Variants in BCAS3 observed in about 807,000 individuals in gnomAD.
BCAS3 encodes the protein BCAS3 microtubule associated cell migration factor.
A neutral mutation model predicts 116.1 loss-of-function variants in BCAS3; 53 were observed. That is an observed-to-expected ratio of 0.46 (90% CI 0.37 to 0.57). The LOEUF (loss-of-function observed/expected upper bound fraction) is 0.57. BCAS3 is among the 20% of genes least tolerant of loss of function. The pLI is 0.00. For missense variants in BCAS3, 917 were observed against 1,165.4 expected, an observed-to-expected ratio of 0.79 and a Z score of 3.10; for synonymous variants, 391 against 408.2, an observed-to-expected ratio of 0.96 and a Z score of 0.51.
At chr17:60,833,852 A>G (rs1599029497) in intron 7 of BCAS3, among the ~76,000 whole-genome samples, 2 of 152,154 alleles carry the variant, frequency 1.3e-5, no homozygotes. Flanking sequence ...AACTGCCTTT[A>G]CAAGAAAAGC....
intron 12 of BCAS3, among the ~76,000 whole-genome samples, chr17:60,916,856 A>G (rs941116767): frequency 4.6e-5 from 7 of 152,198 alleles, no homozygotes; most frequent in African/African-American, 1.7e-4. Context: ...ACTCAAAAAT[A>G]AAAAGACTAC....
chr17:61,380,465 T>C lies in BCAS3; in HGVS notation c.2594-11512T>C. On this transcript the variant is annotated intron_variant, in intron 23 of 23. Transcript: ENST00000407086. This position sits in a 1 kb window ranked among gnomAD's most constrained non-coding sequence, Gnocchi z 4.2. Reference sequence around the variant, plus strand: ...TCTTCCTGCTCTCTTAAAGGTCCAGTTTGTGATCCGCTTTAAAGGAATATT... The same window carrying C: ...TCTTCCTGCTCTCTTAAAGGTCCAGCTTGTGATCCGCTTTAAAGGAATATT... The C allele has an allele frequency of 1.3e-6, 2 of 1,564,282 alleles. No individual in the cohort carries two copies. The highest frequency in any genetic ancestry group is 1.7e-6 in the Non-Finnish European group (2 of 1,151,236).
At chr17:61,237,406 G>T (rs2083146308) in intron 22 of BCAS3, among the ~76,000 whole-genome samples, 1 of 152,218 alleles carries the variant, frequency 6.6e-6, no homozygotes. Context: ...GACAGAAACG[G>T]AACATGGGTG....
intron 22 of BCAS3, among the ~76,000 whole-genome samples, chr17:61,341,715 G>A (rs2057168218): frequency 6.6e-6 from 1 of 152,194 alleles, no homozygotes; most frequent in Non-Finnish European, 1.5e-5. Context: ...CGCAATGGTT[G>A]TTATCACGCT....
At position 61,128,566 on chromosome 17, in the gene BCAS3, T is replaced by A; in HGVS notation, c.2425+44002T>A. On this transcript the variant is annotated intron_variant, in intron 22 of 23. Transcript: ENST00000407086. This position sits in a 1 kb window ranked among gnomAD's most constrained non-coding sequence, Gnocchi z 4.1. The stretch of plus-strand genomic sequence containing the variant: ...TGAATCGTTTGACTGCTATACACAA[T>A]CCCCAGCACTTATAAAATAAAAAAA... 1.0e-6 allele frequency: 1 copy of A among 985,244 alleles called. No individual in the cohort carries two copies. Among genetic ancestry groups the A allele is most frequent in the Non-Finnish European group, 1.2e-6 (1 of 829,890 alleles). 61.0% of individuals were successfully genotyped at this position (985,244 alleles called of 1,614,324 possible).
rs145686185 is a variant in BCAS3, at chr17:60,705,261, G to A, written c.215-3958G>A. 8.7e-3 allele frequency among the ~76,000 whole-genome samples: 1,332 copies of A among 152,316 alleles called. 13 individuals are homozygous for A. Among genetic ancestry groups the A allele is most frequent in the African/African-American group, 0.028 (1,164 of 41,578 alleles). ...GGGCCGGGCATGGTGGCTCATCCCT[G>A]TAATCCCAGCACTTTGGGAGACCCA... On this transcript the variant is annotated intron_variant, in intron 4 of 23. Transcript: ENST00000407086.
At chr17:61,176,443 AC>A (rs1167491269) in intron 22 of BCAS3, among the ~76,000 whole-genome samples, 1 of 151,054 alleles carries the variant, frequency 6.6e-6, no homozygotes, top group Non-Finnish European at 1.5e-5. Flanking sequence ...GAAAAAATGA[AC>A]CCAACCCTCA....
intron 23 of BCAS3, among the ~76,000 whole-genome samples, chr17:61,386,359 C>T (rs1012860840): frequency 6.6e-6 from 1 of 152,218 alleles, no homozygotes; most frequent in East Asian, 1.9e-4. Context: ...TCCTCCTGCT[C>T]ACTGCTGGAA....
At position 61,276,095 on chromosome 17, in the gene BCAS3, A is replaced by C. The variant is rs1238319987; in HGVS notation, c.2426-92232A>C. ...GCCGGGTGCGGTGGCTCACGCGTGT[A>C]ATCTCAGCACTTTGGGAGGCTGAGG... On this transcript the variant is annotated intron_variant, in intron 22 of 23. Coordinates refer to ENST00000407086, the MANE Select transcript of BCAS3 (RefSeq NM_017679.5). The surrounding 1 kb of genome is among the most constrained non-coding windows in gnomAD (Gnocchi z 4.2). Among the ~76,000 whole-genome samples, 1 of 152,202 alleles carries C rather than the reference A, an allele frequency of 6.6e-6. No homozygotes were observed. Among genetic ancestry groups the C allele is most frequent in the African/African-American group, 2.4e-5 (1 of 41,440 alleles).
chr17:61,194,938 T>C (rs1029136465), intron 22 of BCAS3, among the ~76,000 whole-genome samples: 3 of 152,184 alleles, frequency 2.0e-5, no homozygotes, highest in African/African-American at 7.2e-5. Context: ...CAGTTACATA[T>C]GGCAGTCTCC....
At position 61,106,131 on chromosome 17, in the gene BCAS3, T is replaced by C. The variant is rs78507518; in HGVS notation, c.2425+21567T>C. ...AAGGGTTGATGCTGGCATATTGTTA[T>C]AATTGTTCTATTTTATTACCAGTTA... On this transcript the variant is annotated intron_variant, in intron 22 of 23. Coordinates refer to ENST00000407086, the MANE Select transcript of BCAS3 (RefSeq NM_017679.5). This position sits in a 1 kb window ranked among gnomAD's most constrained non-coding sequence, Gnocchi z 4.2. Among the ~76,000 whole-genome samples the C allele has an allele frequency of 0.019, 2,905 of 152,316 alleles. 95 individuals carry two copies. The highest frequency in any genetic ancestry group is 0.065 in the African/African-American group (2,699 of 41,552).
chr17:61,256,015 G>C lies in BCAS3; in HGVS notation c.2426-112312G>C, dbSNP rs1300319540. ...GACAAGTTATTTTCTGAAACTCCGA[G>C]TCATAATTGTACCATATTTATTTTC... is the stretch of plus-strand genomic sequence containing the variant. On this transcript the variant is annotated intron_variant, in intron 22 of 23. Coordinates refer to ENST00000407086, the MANE Select transcript of BCAS3 (RefSeq NM_017679.5). The surrounding 1 kb of genome is among the most constrained non-coding windows in gnomAD (Gnocchi z 5.6). Among the ~76,000 whole-genome samples the C allele has an allele frequency of 6.6e-6, 1 of 152,146 alleles. No homozygotes were observed. The highest frequency in any genetic ancestry group is 2.4e-5 in the African/African-American group (1 of 41,442).
At chr17:61,295,954 CAAAAAA>C (rs11332478) in intron 22 of BCAS3, among the ~76,000 whole-genome samples, 1 of 79,936 alleles carries the variant, frequency 1.3e-5, no homozygotes. Context: ...GACTCCGTCT[CAAAAAA>C]AAAAAAAAAA....
rs544790034 is a variant in BCAS3, at chr17:61,362,168, C to G, written c.2426-6159C>G. On this transcript the variant is annotated intron_variant, in intron 22 of 23. Transcript: ENST00000407086. This position sits in a 1 kb window ranked among gnomAD's most constrained non-coding sequence, Gnocchi z 4.4. ...GTGGAGAAAGGGGTGCTCCCCGCAGCAGCACTCTTAAGCTCCGTTTGGTGA... is the reference window on the plus strand; with the variant it reads ...GTGGAGAAAGGGGTGCTCCCCGCAGGAGCACTCTTAAGCTCCGTTTGGTGA... 6.6e-6 allele frequency among the ~76,000 whole-genome samples: 1 copy of G among 152,346 alleles called. No homozygotes were observed. Among genetic ancestry groups the G allele is most frequent in the Admixed American group, 6.5e-5 (1 of 15,304 alleles).
In BCAS3 at chr17:61,034,021, GACACATCATTTTCACAAATC is replaced by G. The variant is rs2066837908; in HGVS notation, c.1638-644_1638-625del. On this transcript the variant is annotated intron_variant, in intron 16 of 23. Coordinates refer to ENST00000407086, the MANE Select transcript of BCAS3 (RefSeq NM_017679.5). This position sits in a 1 kb window ranked among gnomAD's most constrained non-coding sequence, Gnocchi z 5.0. Reference sequence around the variant, plus strand: ...TGGTCTTTTTCTCTGAACAAAAATAGACACATCATTTTCACAAATCCGAGAAGAAAAAGAGACAACAGGAA... The same window carrying G: ...TGGTCTTTTTCTCTGAACAAAAATAGCGAGAAGAAAAAGAGACAACAGGAA... Among the ~76,000 whole-genome samples, 1 of 152,146 alleles carries G rather than the reference GACACATCATTTTCACAAATC, an allele frequency of 6.6e-6. No individual in the cohort carries two copies. The highest frequency in any genetic ancestry group is 1.5e-5 in the Non-Finnish European group (1 of 68,004).
chr17:61,110,221 A>C (rs2074965561), intron 22 of BCAS3, among the ~76,000 whole-genome samples: 1 of 152,156 alleles, frequency 6.6e-6, no homozygotes, highest in Non-Finnish European at 1.5e-5. Flanking sequence ...TATAGTTTTA[A>C]AAATTATGGG....
chr17:60,980,086 TGTAC>T (rs1685106243), intron 14 of BCAS3, among the ~76,000 whole-genome samples: 1 of 152,158 alleles, frequency 6.6e-6, no homozygotes, highest in Non-Finnish European at 1.5e-5. Flanking sequence ...AGTTCCTCCT[TGTAC>T]CTCTGGTAGA....
intron 13 of BCAS3, among the ~76,000 whole-genome samples, chr17:60,933,883 T>A (rs2145196207): frequency 6.6e-6 from 1 of 152,330 alleles, no homozygotes; most frequent in Middle Eastern, 3.4e-3. Context: ...CCATAGTAGG[T>A]TTGTACTTAC....
chr17:61,197,931 T>C (rs1297353743), intron 22 of BCAS3, among the ~76,000 whole-genome samples: 1 of 152,184 alleles, frequency 6.6e-6, no homozygotes, highest in African/African-American at 2.4e-5. Context: ...GTCATTTCCA[T>C]AGATAAGTAA....
Sources: gnomAD v4.1 joint callset for allele counts (sites outside exome capture counted in the v4.1 genomes callset) on GRCh38, gnomAD v4.1.1 for gene constraint, Gnocchi (gnomAD v3.1) non-coding constraint, MANE v1.5 for transcripts, NCBI Gene and HGNC (gene_info 2026-07-23, HGNC 2026-07-21) for gene names.